Variants in NPSR1 observed in about 807,000 individuals in gnomAD.
NPSR1 encodes neuropeptide S receptor.
In NPSR1, 48 loss-of-function variants were observed where a neutral mutation model predicts 46.9. The ratio of observed to expected loss-of-function variants is 1.02; its 90% CI spans 0.81 to 1.30. The LOEUF (loss-of-function observed/expected upper bound fraction) is 1.30. Among genes scored for constraint, NPSR1 ranks in the 50% most tolerant of loss-of-function variants. NPSR1 has a pLI of 0.00. For missense variants in NPSR1, 450 were observed against 449.5 expected (o/e 1.00, Z -0.01); for synonymous variants, 176 against 168.1 (o/e 1.05, Z -0.36).
chr7:34,822,618 C>A lies in NPSR1; in HGVS notation c.479-4783C>A, dbSNP rs1025815006. ...TTGATAATTAAAACAATGCTGGAAC[C>A]AGAATAACACATATAAATCATACAA... On this transcript the variant is annotated intron_variant, in intron 4 of 8. Transcript: ENST00000360581. 4.6e-5 allele frequency among the ~76,000 whole-genome samples: 7 copies of A among 152,088 alleles called. No homozygotes were observed. In the South Asian group the frequency reaches 1.5e-3, roughly 32 times the overall value.
intron 8 of NPSR1, chr7:34,849,221 T>G: frequency 2.7e-6 from 2 of 751,372 alleles, no homozygotes; most frequent in East Asian, 2.7e-5. Flanking sequence ...TTAATGCCAG[T>G]GGTTGAAGTT....
At chr7:34,726,459 C>A (rs1350967525) in intron 2 of NPSR1, among the ~76,000 whole-genome samples, 1 of 152,176 alleles carries the variant, frequency 6.6e-6, no homozygotes, top group Non-Finnish European at 1.5e-5. Context: ...GACAGTTTCT[C>A]ACAAAATTAA....
At chr7:34,673,969 G>T (rs1383403659) in intron 1 of NPSR1, among the ~76,000 whole-genome samples, 1 of 152,160 alleles carries the variant, frequency 6.6e-6, no homozygotes, top group Non-Finnish European at 1.5e-5. Context: ...AACTGTATTT[G>T]CAAGCAGGCC....
chr7:34,796,883 A>G (rs891586208), intron 3 of NPSR1, among the ~76,000 whole-genome samples: 5 of 152,218 alleles, frequency 3.3e-5, no homozygotes, highest in African/African-American at 1.2e-4. Flanking sequence ...ACAAACGTTT[A>G]TATCATGTTT....
intron 8 of NPSR1, among the ~76,000 whole-genome samples, chr7:34,862,956 G>A (rs546590157): frequency 6.6e-6 from 1 of 151,664 alleles, no homozygotes; most frequent in African/African-American, 2.4e-5. Context: ...CAGCAAGGAG[G>A]CATCGAGCTA....
intron 2 of NPSR1, among the ~76,000 whole-genome samples, chr7:34,762,380 A>G (rs936119581): frequency 6.6e-6 from 1 of 152,170 alleles, no homozygotes; most frequent in Non-Finnish European, 1.5e-5. Context: ...TCATATTAAT[A>G]TTGTAAAATG....
intron 1 of NPSR1, among the ~76,000 whole-genome samples, chr7:34,680,691 A>G (rs2128681245): frequency 6.6e-6 from 1 of 152,332 alleles, no homozygotes; most frequent in South Asian, 2.1e-4. Context: ...ATAAAAATGA[A>G]AAACCTGCAG....
intron 1 of NPSR1, among the ~76,000 whole-genome samples, chr7:34,667,632 G>A (rs1321433764): frequency 1.3e-5 from 2 of 152,056 alleles, no homozygotes; most frequent in Non-Finnish European, 2.9e-5. Context: ...AACTTCCTGG[G>A]ACTCTTTCCT....
At chr7:34,745,739 C>T (rs985985933) in intron 2 of NPSR1, among the ~76,000 whole-genome samples, 1 of 152,180 alleles carries the variant, frequency 6.6e-6, no homozygotes, top group Non-Finnish European at 1.5e-5. Context: ...GTCTTAAACT[C>T]CTGGTCACAA....
chr7:34,683,446 C>CAA lies in NPSR1; in HGVS notation c.148-1093_148-1092dup, dbSNP rs34732541. Reference sequence around the variant, plus strand: ...TGGGTGACAGAGTGAGACTCTGTCACAAAAAAAAAAAAAATATTTCTTAGA... The same window carrying CAA: ...TGGGTGACAGAGTGAGACTCTGTCACAAAAAAAAAAAAAAAATATTTCTTAGA... On this transcript the variant is annotated intron_variant, in intron 1 of 8. Transcript: ENST00000360581. Among the ~76,000 whole-genome samples the CAA allele has an allele frequency of 1.3e-3, 152 of 113,196 alleles. 1 individual carries two copies. The highest frequency in any genetic ancestry group is 5.9e-4 in the African/African-American group (19 of 32,426). 74.3% of individuals were successfully genotyped at this position (113,196 alleles called of 152,430 possible). A position where few individuals can be genotyped will look rare whatever the true frequency, so the allele number is the denominator to read the frequency against.
chr7:34,833,088 T>C (rs1562763363), intron 5 of NPSR1, among the ~76,000 whole-genome samples: 1 of 152,152 alleles, frequency 6.6e-6, no homozygotes, highest in Non-Finnish European at 1.5e-5. Flanking sequence ...GAAGCAGAGA[T>C]TTTAACATTG....
intron 8 of NPSR1, among the ~76,000 whole-genome samples, chr7:34,876,523 G>A (rs1252849198): frequency 1.3e-5 from 2 of 152,154 alleles, no homozygotes; most frequent in Admixed American, 6.5e-5. Flanking sequence ...CCCCAGTCCT[G>A]CCCATGTCAC....
chr7:34,809,981 G>A (rs1026068616), intron 3 of NPSR1, among the ~76,000 whole-genome samples: 13 of 152,000 alleles, frequency 8.6e-5, no homozygotes, highest in Non-Finnish European at 1.3e-4. Context: ...TCTTTCTTAC[G>A]AGCCTTCAAT....
At chr7:34,711,438 A>C (rs1322229638) in intron 2 of NPSR1, 3 of 152,338 alleles carry the variant, frequency 2.0e-5, no homozygotes, top group African/African-American at 7.2e-5. Context: ...AGATGTTGGC[A>C]ACAGGGAAGA....
At chr7:34,827,643 C>CGGG in intron 5 of NPSR1, 41 bp downstream of exon 5, 1 of 405,056 alleles carries the variant, frequency 2.5e-6, no homozygotes, top group Admixed American at 3.3e-5. Flanking sequence ...GGGGGTGGGG[C>CGGG]GGGGGGGGCT....
chr7:34,708,638 C>T (rs1380322283), intron 2 of NPSR1, among the ~76,000 whole-genome samples: 1 of 152,210 alleles, frequency 6.6e-6, no homozygotes, highest in African/African-American at 2.4e-5. Flanking sequence ...ATTGGGGCAC[C>T]TGGCAGTCAG....
At chr7:34,839,812 A>G (rs1157961677) in intron 6 of NPSR1, among the ~76,000 whole-genome samples, 1 of 151,932 alleles carries the variant, frequency 6.6e-6, no homozygotes, top group Non-Finnish European at 1.5e-5. Flanking sequence ...GGGAAGAGAG[A>G]GAGTGGAGGA....
intron 3 of NPSR1, among the ~76,000 whole-genome samples, chr7:34,811,506 C>T (rs530993849): frequency 5.9e-5 from 9 of 152,212 alleles, no homozygotes; most frequent in South Asian, 2.1e-4. Context: ...TTTTTGGGCA[C>T]AAAAACAGGA....
At chr7:34,738,359 C>T (rs894821113) in intron 2 of NPSR1, among the ~76,000 whole-genome samples, 1 of 152,166 alleles carries the variant, frequency 6.6e-6, no homozygotes, top group African/African-American at 2.4e-5. Context: ...TAACAGATTC[C>T]ACTTCTTTAG....
Sources: allele counts gnomAD v4.1 joint callset (sites outside exome capture counted in the v4.1 genomes callset), GRCh38; gene constraint gnomAD v4.1.1; transcripts MANE v1.5; gene names NCBI Gene and HGNC (gene_info 2026-07-23, HGNC 2026-07-21).